Variants in SLC43A1 observed in about 807,000 individuals in gnomAD.
SLC43A1 encodes large neutral amino acids transporter small subunit 3.
SLC43A1 carries 31 observed loss-of-function variants against 59.5 expected under a neutral mutation model. The observed-to-expected ratio is 0.52, with a 90% CI of 0.39 to 0.70. The LOEUF is 0.70. SLC43A1 is among the 30% of genes least tolerant of loss of function. The pLI is 0.00. For missense variants in SLC43A1, 598 were observed against 717.8 expected (o/e 0.83, Z 1.91); for synonymous variants, 259 against 290.9 (o/e 0.89, Z 1.12).
At chr11:57,502,884 A>AAAAAG (rs988071111) in intron 2 of SLC43A1, among the ~76,000 whole-genome samples, 51 of 151,874 alleles carry the variant, frequency 3.4e-4, no homozygotes, top group East Asian at 1.4e-3. Flanking sequence ...AAAAAAAAAA[A>AAAAAG]AAAAGAAAAG....
Position 57,514,779 on chromosome 11 carries a change from A to C in SLC43A1, c.-13-655T>G. 1.0e-6 allele frequency: 1 copy of C among 979,498 alleles called. No individual in the cohort carries two copies. 60.7% of individuals were successfully genotyped at this position (979,498 alleles called of 1,614,324 possible). ...CTCCTCCCCCGCGCGCCCCTCACTCACTCCGCAGGGCTCGGGGCACCAGGC... is the reference window on the plus strand; with the variant it reads ...CTCCTCCCCCGCGCGCCCCTCACTCCCTCCGCAGGGCTCGGGGCACCAGGC... On this transcript the variant is annotated intron_variant, in intron 1 of 14. Coordinates refer to ENST00000278426, the MANE Select transcript of SLC43A1 (RefSeq NM_003627.6). The surrounding 1 kb of genome is among the most constrained non-coding windows in gnomAD (Gnocchi z 5.5).
chr11:57,491,090 G>A, intron 11 of SLC43A1, 134 bp downstream of exon 11: 1 of 1,137,684 alleles, frequency 8.8e-7, no homozygotes, highest in Non-Finnish European at 1.2e-6. Flanking sequence ...TTCCTCATCT[G>A]TAAAATGGGG....
At chr11:57,509,653 G>GGAGGGAGGGAGA (rs2135222067) in intron 2 of SLC43A1, among the ~76,000 whole-genome samples, 1 of 130,118 alleles carries the variant, frequency 7.7e-6, no homozygotes, top group South Asian at 2.8e-4. Flanking sequence ...AAGGAAGGAG[G>GGAGGGAGGGAGA]GAGGGAGGGA....
chr11:57,509,642 GA>G (rs1482223298), intron 2 of SLC43A1, among the ~76,000 whole-genome samples: 303 of 129,996 alleles, frequency 2.3e-3, no homozygotes, highest in African/African-American at 6.2e-3. Context: ...AGGAAGGAAG[GA>G]AGGAAGGAGG....
At chr11:57,504,352 T>C (rs1944343653) in intron 2 of SLC43A1, among the ~76,000 whole-genome samples, 1 of 152,218 alleles carries the variant, frequency 6.6e-6, no homozygotes, top group South Asian at 2.1e-4. Flanking sequence ...CCTGCCCTGC[T>C]TTACCCAATT....
rs768206232 is a variant in SLC43A1 at position 57,494,042 on chromosome 11, G to A, written c.822C>T (p.Ala274=). Residue 274 remains alanine, a synonymous_variant, in exon 8 of 15, where the codon GCC becomes GCT. Transcript: ENST00000278426. ...KAPSLEDGSD[A]FMSPQDVRGT... ...CCCGAACATCCTGGGGTGACATGAA[G>A]GCATCCGAACCGTCCTCCAGGCTGG... The A allele has an allele frequency of 5.0e-6, 8 of 1,608,778 alleles. No homozygotes were observed. Among genetic ancestry groups the A allele is most frequent in the East Asian group, 2.3e-5 (1 of 44,370 alleles).
In SLC43A1 at chr11:57,491,575, G is replaced by A. The variant is rs1943904094; in HGVS notation, c.1054+16C>T. 6.2e-7 allele frequency: 1 copy of A among 1,614,036 alleles called. No individual in the cohort carries two copies. Among genetic ancestry groups the A allele is most frequent in the African/African-American group, 1.3e-5 (1 of 75,054 alleles). The stretch of plus-strand genomic sequence containing the variant: ...TGGGGTGGGCGTGAGCCAGGGCCCT[G>A]CTTTCATAGCCCTACCTGTCTCTGC... On this transcript the variant is annotated intron_variant, in intron 10 of 14. Transcript: ENST00000278426.
chr11:57,485,628 G>C (rs2135137033), intron 14 of SLC43A1, among the ~76,000 whole-genome samples: 1 of 152,264 alleles, frequency 6.6e-6, no homozygotes, highest in African/African-American at 2.4e-5. Flanking sequence ...AGGGTGGCGA[G>C]AGGAGGCTCT....
chr11:57,500,962 G>T, intron 4 of SLC43A1, 26 bp downstream of exon 4: 1 of 1,597,088 alleles, frequency 6.3e-7, no homozygotes. Context: ...TTTTCTTGTG[G>T]GGCCACAAGA....
At chr11:57,508,729 G>A (rs2135218342) in intron 2 of SLC43A1, among the ~76,000 whole-genome samples, 1 of 152,236 alleles carries the variant, frequency 6.6e-6, no homozygotes. Flanking sequence ...AGAAGTTCAA[G>A]GCTGCAGCAA....
At chr11:57,487,279 C>T (rs558745536) in intron 13 of SLC43A1, 61 bp from the exon 14 acceptor site, 6 of 1,568,164 alleles carry the variant, frequency 3.8e-6, no homozygotes, top group African/African-American at 1.3e-5. Flanking sequence ...GCCAGCACCT[C>T]TCCTATCCCC....
At chr11:57,493,947 C>T in intron 8 of SLC43A1, 46 bp downstream of exon 8, 2 of 1,521,844 alleles carry the variant, frequency 1.3e-6, no homozygotes, top group Non-Finnish European at 1.8e-6. Flanking sequence ...ATATGAGGAC[C>T]CACCATCACT....
At chr11:57,509,806 C>A (rs1265054920) in intron 2 of SLC43A1, among the ~76,000 whole-genome samples, 4 of 151,984 alleles carry the variant, frequency 2.6e-5, no homozygotes, top group African/African-American at 9.7e-5. Flanking sequence ...GTTCCTTAAA[C>A]ATGACACCAA....
chr11:57,493,871 C>A, intron 8 of SLC43A1, 122 bp downstream of exon 8: 1 of 909,676 alleles, frequency 1.1e-6, no homozygotes, highest in Non-Finnish European at 1.6e-6. Context: ...GCCCCACCTA[C>A]ATCATGGGGT....
At position 57,488,859 on chromosome 11, in the gene SLC43A1, G is replaced by A. The variant is rs1221992262; in HGVS notation, c.1409+57C>T. ...CTGGGGCCCTCCCAACCCTTCCCTG[G>A]GGTTCTCTGATCACGGTTGCAAAGC... On this transcript the variant is annotated intron_variant, in intron 13 of 14. Transcript: ENST00000278426. 8.2e-6 allele frequency: 12 copies of A among 1,458,444 alleles called. No homozygotes were observed. In the East Asian group the frequency reaches 2.5e-4, roughly 30 times the overall value. The allele number at this position is 1,458,444 out of a possible 1,614,324, so 90.3% of individuals were successfully genotyped here. A position where few individuals can be genotyped will look rare whatever the true frequency, so the allele number is the denominator to read the frequency against.
At chr11:57,504,653 T>C (rs1944349948) in intron 2 of SLC43A1, among the ~76,000 whole-genome samples, 1 of 152,192 alleles carries the variant, frequency 6.6e-6, no homozygotes, top group South Asian at 2.1e-4. Context: ...AGATTCAAAC[T>C]CAAGATAATC....
At chr11:57,513,923 T>TCCCGC in intron 2 of SLC43A1, 35 bp downstream of exon 2, 1 of 1,162,216 alleles carries the variant, frequency 8.6e-7, no homozygotes. Context: ...TTGCCATCCC[T>TCCCGC]CCCCCCAGCC....
At chr11:57,510,765 G>A (rs1944518911) in intron 2 of SLC43A1, among the ~76,000 whole-genome samples, 1 of 152,044 alleles carries the variant, frequency 6.6e-6, no homozygotes, top group East Asian at 1.9e-4. Flanking sequence ...GGCCGAGGGG[G>A]GTGGATCACC....
At chr11:57,498,658 G>A (rs1565133317) in intron 5 of SLC43A1, among the ~76,000 whole-genome samples, 1 of 152,024 alleles carries the variant, frequency 6.6e-6, no homozygotes, top group Non-Finnish European at 1.5e-5. Flanking sequence ...CTCGGTTGAC[G>A]TCCCAGCCCA....
Sources: allele counts gnomAD v4.1 joint callset (sites outside exome capture counted in the v4.1 genomes callset), GRCh38; gene constraint gnomAD v4.1.1; non-coding constraint Gnocchi (gnomAD v3.1); transcripts MANE v1.5; gene names NCBI Gene and HGNC (gene_info 2026-07-23, HGNC 2026-07-21).